The following XRRA1 variants were observed in gnomAD, a reference collection of about 807,000 sequenced individuals.
XRRA1 encodes X-ray radiation resistance associated 1.
Under a neutral mutation model 80.2 loss-of-function variants are expected in XRRA1, and 69 were observed. That is an observed-to-expected ratio of 0.86 (90% CI 0.71 to 1.05). XRRA1 has a LOEUF of 1.05. XRRA1 is among the 50% of genes least tolerant of loss of function. The pLI is 0.00. For missense variants in XRRA1, 967 were observed against 976.4 expected (o/e 0.99, Z 0.13); for synonymous variants, 348 against 389.9 (o/e 0.89, Z 1.27).
intron 4 of XRRA1, among the ~76,000 whole-genome samples, chr11:74,935,403 A>G (rs191091262): frequency 1.3e-5 from 2 of 152,376 alleles, no homozygotes; most frequent in Non-Finnish European, 2.9e-5. Flanking sequence ...CCTCTGGCTT[A>G]TTTTTATGTG....
chr11:74,940,691 A>T, intron 3 of XRRA1, 94 bp downstream of exon 3: 2 of 987,756 alleles, frequency 2.0e-6, no homozygotes, highest in African/African-American at 1.6e-5. Context: ...AGGGAACAGT[A>T]GTGAAGGGGT....
intron 10 of XRRA1, chr11:74,863,383 T>C: frequency 3.9e-6 from 1 of 259,522 alleles, no homozygotes; most frequent in Admixed American, 5.1e-5. Context: ...CTTTCGAGCC[T>C]CAGAATTACT....
At chr11:74,854,995 A>G (rs899471279) in intron 12 of XRRA1, among the ~76,000 whole-genome samples, 2 of 152,178 alleles carry the variant, frequency 1.3e-5, no homozygotes, top group Non-Finnish European at 2.9e-5. Flanking sequence ...GATTGCAGTG[A>G]GCCAAGATCA....
At chr11:74,887,648 GGGGTCAGGGAAT>G (rs2049392164) in intron 10 of XRRA1, among the ~76,000 whole-genome samples, 1 of 152,196 alleles carries the variant, frequency 6.6e-6, no homozygotes, top group Admixed American at 6.5e-5. Context: ...GGTAGCGCAA[GGGGTCAGGGAAT>G]TCCCTTTCCT....
At chr11:74,895,785 G>T (rs77228929) in intron 10 of XRRA1, among the ~76,000 whole-genome samples, 56 of 152,332 alleles carry the variant, frequency 3.7e-4, no homozygotes, top group South Asian at 2.5e-3. Context: ...CCAGGCCCTA[G>T]TTCTTAAACA....
rs754223516 is a variant in XRRA1 at position 74,940,874 on chromosome 11, G to A, written c.5C>T (p.Ala2Val). Residue 2 changes from alanine (A) to valine (V), a missense_variant, in exon 3 of 19, where the codon GCC becomes GTC. Coordinates refer to ENST00000684022, the MANE Select transcript of XRRA1 (RefSeq NM_001378157.1). ...ATCCAGCTTGTAGATTCCTGAGAAG[G>A]CCATCTCCCTGAGAGCCAGGCAAGG... is the stretch of plus-strand genomic sequence containing the variant. M[A>V]FSGIYKLDDG... is the part of the protein sequence containing the mutation. The A allele has an allele frequency of 2.5e-6, 4 of 1,606,410 alleles. No homozygotes were observed. The highest frequency in any genetic ancestry group is 1.1e-5 in the South Asian group (1 of 89,232).
intron 10 of XRRA1, chr11:74,876,740 T>C (rs1189064033): frequency 2.6e-5 from 4 of 152,186 alleles, no homozygotes; most frequent in African/African-American, 9.7e-5. Flanking sequence ...TGGATATCCA[T>C]GTGAAGAAAT....
At chr11:74,887,643 C>A (rs996351821) in intron 10 of XRRA1, among the ~76,000 whole-genome samples, 1 of 152,186 alleles carries the variant, frequency 6.6e-6, no homozygotes, top group Non-Finnish European at 1.5e-5. Context: ...ACCCAGGTAG[C>A]GCAAGGGGTC....
chr11:74,854,932 C>G (rs1279514332), intron 12 of XRRA1, among the ~76,000 whole-genome samples: 1 of 152,120 alleles, frequency 6.6e-6, no homozygotes, highest in East Asian at 1.9e-4. Context: ...TGCCTGTAAT[C>G]CCAGCTCCTC....
chr11:74,883,113 G>A (rs1464136485), intron 10 of XRRA1, among the ~76,000 whole-genome samples: 12 of 152,210 alleles, frequency 7.9e-5, no homozygotes, highest in East Asian at 3.9e-4. Context: ...CCCCAGCCTC[G>A]CTGCCGCCTT....
At chr11:74,929,350 T>A (rs1206265321) in intron 6 of XRRA1, among the ~76,000 whole-genome samples, 1 of 152,036 alleles carries the variant, frequency 6.6e-6, no homozygotes, top group Non-Finnish European at 1.5e-5. Context: ...TCAGGCCTCA[T>A]CTCCCCTCCC....
chr11:74,871,202 A>G (rs956160038), intron 10 of XRRA1, among the ~76,000 whole-genome samples: 4 of 152,220 alleles, frequency 2.6e-5, no homozygotes, highest in African/African-American at 9.7e-5. Context: ...GACTAAATCC[A>G]TCACTTAGCT....
intron 2 of XRRA1, among the ~76,000 whole-genome samples, chr11:74,944,560 T>C (rs1010050211): frequency 1.3e-5 from 2 of 152,210 alleles, no homozygotes; most frequent in African/African-American, 4.8e-5. Context: ...TGATCCCTGA[T>C]TTTCCCTGCA....
Position 74,859,281 on chromosome 11 carries a change from TG to T in XRRA1, c.1046del (p.Thr349LysfsTer16). 6.2e-7 allele frequency: 1 copy of T among 1,603,626 alleles called. No homozygotes were observed. The highest frequency in any genetic ancestry group is 1.1e-5 in the South Asian group (1 of 88,766). On this transcript the variant is annotated frameshift_variant and splice_region_variant, in exon 12 of 19. Transcript: ENST00000684022. LOFTEE classifies it high-confidence loss of function. Reference sequence around the variant, plus strand: ...TGGGAGGAAGTGAACATATCTTGGTTGTCTTAGAAAGAAGGAAAAGTCAAAA... The same window carrying T: ...TGGGAGGAAGTGAACATATCTTGGTTTCTTAGAAAGAAGGAAAAGTCAAAA... ...SSYPGFSTSE[T>X]TKICSLPPIF...
rs546070157 is a variant in XRRA1 at position 74,923,846 on chromosome 11, C to T, written c.523-2499G>A. Among the ~76,000 whole-genome samples the T allele has an allele frequency of 6.6e-5, 10 of 152,116 alleles. No homozygotes were observed. The South Asian group carries it at 1.9e-3, about 28-fold the overall frequency. ...ACCCAGGAGCTAAGAATAATTTTTGCTTTTTTCTTTTTGAGACAGGGTCTC... is the reference window on the plus strand; with the variant it reads ...ACCCAGGAGCTAAGAATAATTTTTGTTTTTTTCTTTTTGAGACAGGGTCTC... On this transcript the variant is annotated intron_variant, in intron 7 of 18. Coordinates refer to ENST00000684022, the MANE Select transcript of XRRA1 (RefSeq NM_001378157.1).
intron 3 of XRRA1, among the ~76,000 whole-genome samples, chr11:74,938,103 T>C (rs933269123): frequency 6.6e-6 from 1 of 152,134 alleles, no homozygotes; most frequent in South Asian, 2.1e-4. Flanking sequence ...AGTATAATAA[T>C]AATATAAGGG....
intron 8 of XRRA1, among the ~76,000 whole-genome samples, chr11:74,909,232 A>G (rs1268840159): frequency 1.3e-5 from 2 of 152,228 alleles, no homozygotes; most frequent in Non-Finnish European, 1.5e-5. Context: ...GACACTTAAC[A>G]GAGAAGGCAG....
At chr11:74,918,693 G>A (rs1156650379) in intron 8 of XRRA1, 3 of 152,194 alleles carry the variant, frequency 2.0e-5, no homozygotes, top group Non-Finnish European at 2.9e-5. Flanking sequence ...GTAGGGGGCT[G>A]GAGCCATCTC....
chr11:74,891,066 A>T (rs2050550894), intron 10 of XRRA1, among the ~76,000 whole-genome samples: 1 of 152,236 alleles, frequency 6.6e-6, no homozygotes, highest in Non-Finnish European at 1.5e-5. Flanking sequence ...GGCCAGCATC[A>T]TCCTGATACC....
Sources: allele counts gnomAD v4.1 joint callset (sites outside exome capture counted in the v4.1 genomes callset), GRCh38; gene constraint gnomAD v4.1.1; transcripts MANE v1.5; gene names NCBI Gene and HGNC (gene_info 2026-07-23, HGNC 2026-07-21).